The following ZCCHC7 variants were observed in gnomAD, a reference collection of about 807,000 sequenced individuals.
ZCCHC7 encodes zinc finger CCHC-type containing 7.
In ZCCHC7, 35 loss-of-function variants were observed where a neutral mutation model predicts 52.0. The observed-to-expected ratio is 0.67, with a 90% CI of 0.51 to 0.89. The LOEUF (loss-of-function observed/expected upper bound fraction) is 0.89. Ranked by LOEUF, ZCCHC7 falls within the 40% of genes least tolerant of loss-of-function variation. ZCCHC7 has a pLI of 0.00. For synonymous variants in ZCCHC7, 217 were observed against 221.5 expected (o/e 0.98, Z 0.18); for missense variants, 574 against 649.1 (o/e 0.88, Z 1.26).
intron 2 of ZCCHC7, among the ~76,000 whole-genome samples, chr9:37,199,453 T>C (rs2133149842): frequency 6.7e-6 from 1 of 149,632 alleles, no homozygotes; most frequent in Non-Finnish European, 1.5e-5. Flanking sequence ...TGCCTCAGCC[T>C]CCCGAGTAGC....
intron 2 of ZCCHC7, among the ~76,000 whole-genome samples, chr9:37,268,756 T>C (rs560859867): frequency 1.3e-5 from 2 of 152,364 alleles, no homozygotes; most frequent in Admixed American, 1.3e-4. Flanking sequence ...GAGGGGCTAA[T>C]GCTGTTCTCA....
intron 2 of ZCCHC7, among the ~76,000 whole-genome samples, chr9:37,130,532 G>A (rs1444716720): frequency 6.2e-4 from 89 of 143,468 alleles, no homozygotes; most frequent in African/African-American, 2.0e-3. Context: ...TCGCTCTGTC[G>A]CCCAGGCTGG....
At chr9:37,304,522 T>C (rs1829208371) in intron 4 of ZCCHC7, among the ~76,000 whole-genome samples, 1 of 152,114 alleles carries the variant, frequency 6.6e-6, no homozygotes, top group Non-Finnish European at 1.5e-5. Context: ...CCGGGCGTGA[T>C]GGCGGGCGCC....
At chr9:37,305,396 T>C (rs939766391) in intron 4 of ZCCHC7, 148 bp from the exon 5 acceptor site, 1 of 954,920 alleles carries the variant, frequency 1.0e-6, no homozygotes. Context: ...TTGGACATTT[T>C]GTTTGATTTT....
chr9:37,120,484 T>G, upstream of ZCCHC7: 1 of 398,630 alleles, frequency 2.5e-6, no homozygotes, highest in African/African-American at 2.1e-5. Flanking sequence ...AGGCGGTGAC[T>G]AGAGCTGTGT....
At chr9:37,186,738 A>G in intron 2 of ZCCHC7, 1 of 585,314 alleles carries the variant, frequency 1.7e-6, no homozygotes, top group Non-Finnish European at 3.2e-6. Context: ...TTATGAACTA[A>G]CAAGATGAAT....
chr9:37,195,423 T>G (rs1187804714), intron 2 of ZCCHC7, among the ~76,000 whole-genome samples: 2 of 152,202 alleles, frequency 1.3e-5, no homozygotes, highest in Admixed American at 6.5e-5. Flanking sequence ...TCTTCTCATC[T>G]CCTTTAGATA....
chr9:37,199,218 C>T (rs1380476519), intron 2 of ZCCHC7, among the ~76,000 whole-genome samples: 3 of 152,116 alleles, frequency 2.0e-5, no homozygotes, highest in African/African-American at 7.2e-5. Flanking sequence ...GAAAAAGACA[C>T]AAGCTGCTAG....
intron 5 of ZCCHC7, among the ~76,000 whole-genome samples, chr9:37,311,813 G>T (rs1425469143): frequency 6.6e-6 from 1 of 152,192 alleles, no homozygotes; most frequent in Admixed American, 6.5e-5. Flanking sequence ...AGTTTAAACT[G>T]TGTAGTATTT....
chr9:37,172,993 A>T (rs531761789), intron 2 of ZCCHC7, among the ~76,000 whole-genome samples: 4 of 151,568 alleles, frequency 2.6e-5, no homozygotes, highest in Middle Eastern at 3.4e-3. Context: ...TGAGTGAGCA[A>T]CGTGGGCATT....
chr9:37,315,952 A>C (rs906439055), intron 5 of ZCCHC7, among the ~76,000 whole-genome samples: 11 of 150,738 alleles, frequency 7.3e-5, no homozygotes, highest in African/African-American at 2.4e-4. Flanking sequence ...GACTTAAAAA[A>C]GTAAAAGTTT....
intron 2 of ZCCHC7, among the ~76,000 whole-genome samples, chr9:37,234,182 A>C (rs1444860181): frequency 6.6e-6 from 1 of 152,092 alleles, no homozygotes; most frequent in East Asian, 1.9e-4. Context: ...ATAGGGATTT[A>C]TTGACTCACT....
chr9:37,220,606 T>C (rs1162278685), intron 2 of ZCCHC7, among the ~76,000 whole-genome samples: 1 of 152,048 alleles, frequency 6.6e-6, no homozygotes, highest in African/African-American at 2.4e-5. Context: ...GATAGTACTG[T>C]GGGAGTTTGA....
chr9:37,192,775 A>G (rs551321746), intron 2 of ZCCHC7, among the ~76,000 whole-genome samples: 4 of 152,340 alleles, frequency 2.6e-5, no homozygotes, highest in Admixed American at 1.3e-4. Context: ...CCTGTCTACA[A>G]TGACTCATGT....
intron 2 of ZCCHC7, among the ~76,000 whole-genome samples, chr9:37,161,435 C>G (rs1276056331): frequency 1.3e-5 from 2 of 151,948 alleles, no homozygotes; most frequent in Non-Finnish European, 2.9e-5. Flanking sequence ...ATTAGCCAGA[C>G]ATGGTGGCAG....
At chr9:37,339,604 A>G (rs988349888) in intron 6 of ZCCHC7, among the ~76,000 whole-genome samples, 1 of 152,198 alleles carries the variant, frequency 6.6e-6, no homozygotes, top group African/African-American at 2.4e-5. Context: ...GGCACATGTG[A>G]TTTAGTCAGT....
At chr9:37,191,573 C>T (rs185586231) in intron 2 of ZCCHC7, among the ~76,000 whole-genome samples, 1 of 152,214 alleles carries the variant, frequency 6.6e-6, no homozygotes, top group Non-Finnish European at 1.5e-5. Context: ...AGAGACTAAT[C>T]CCCACCCCCG....
upstream of ZCCHC7, chr9:37,120,514 C>T (rs182216676): frequency 7.5e-6 from 3 of 399,036 alleles, no homozygotes; most frequent in East Asian, 3.6e-5. Context: ...AAGTGCCTTC[C>T]CTCCCGGGTC....
intron 6 of ZCCHC7, among the ~76,000 whole-genome samples, chr9:37,345,581 G>A (rs755224586): frequency 2.6e-5 from 4 of 152,042 alleles, no homozygotes; most frequent in Non-Finnish European, 5.9e-5. Context: ...TTAGCCAGGC[G>A]TGCTGGCATG....
Sources: allele counts gnomAD v4.1 joint callset (sites outside exome capture counted in the v4.1 genomes callset), GRCh38; gene constraint gnomAD v4.1.1; transcripts MANE v1.5; gene names NCBI Gene and HGNC (gene_info 2026-07-23, HGNC 2026-07-21).